DMD: variants seen among roughly 807,000 people sequenced by gnomAD.
DMD encodes mutant dystrophin.
Under a neutral mutation model 330.1 loss-of-function variants are expected in DMD, and 63 were observed. That is an observed-to-expected ratio of 0.19 (90% confidence interval 0.16 to 0.24). DMD has a LOEUF of 0.24. DMD is among the 10% of genes least tolerant of loss of function. The pLI, the probability that DMD is intolerant of heterozygous loss-of-function variation, is 1.00. For missense variants in DMD, 3,344 were observed against 2,684.1 expected (o/e 1.25, Z -5.43); for synonymous variants, 1,223 against 959.8 (o/e 1.27, Z -5.07).
Position 31,143,012 on chromosome X carries a change from C to A in DMD, c.10921+3279G>T, listed in dbSNP as rs1248019170. The stretch of plus-strand genomic sequence containing the variant: ...CATATTTAAAGAATGCAGCTCTATC[C>A]AGAATGTGGTTCAGCAGATCCCAGC... On this transcript the variant is annotated intron_variant, in intron 76 of 78. Transcript: ENST00000357033. Among the ~76,000 whole-genome samples the A allele has an allele frequency of 2.7e-5, 3 of 112,231 alleles. No individual in the cohort carries two copies. In the Admixed American group the frequency reaches 2.8e-4, roughly 11 times the overall value.
intron 52 of DMD, among the ~76,000 whole-genome samples, chrX:31,723,044 C>T (rs2085696870): frequency 2.0e-5 from 2 of 102,532 alleles, no homozygotes; most frequent in Non-Finnish European, 3.9e-5. Flanking sequence ...AGGACTCTGT[C>T]TCAAAAAAAA....
chrX:32,822,704 T>TACACAC, intron 5 of DMD, among the ~76,000 whole-genome samples: 1 of 108,519 alleles, frequency 9.2e-6, no homozygotes, highest in East Asian at 2.9e-4. Context: ...GCATATATAC[T>TACACAC]ACACACACAC....
chrX:31,783,242 G>C (rs191011934), intron 50 of DMD, among the ~76,000 whole-genome samples: 4 of 111,682 alleles, frequency 3.6e-5, no homozygotes, highest in Non-Finnish European at 7.5e-5. Context: ...ATTTGGGTTT[G>C]TTTATTCAAT....
At chrX:32,530,447 C>T (rs1359621153) in intron 17 of DMD, among the ~76,000 whole-genome samples, 1 of 112,056 alleles carries the variant, frequency 8.9e-6, no homozygotes, top group Non-Finnish European at 1.9e-5. Flanking sequence ...AATAATCTTC[C>T]TACCTTAATT....
At chrX:32,335,339 T>A (rs1481276095) in intron 41 of DMD, among the ~76,000 whole-genome samples, 1 of 107,240 alleles carries the variant, frequency 9.3e-6, no homozygotes, top group Non-Finnish European at 1.9e-5. Flanking sequence ...AAGCTTGGAT[T>A]ACAAGCAACT....
chrX:32,781,611 C>T (rs1249943275), intron 7 of DMD, among the ~76,000 whole-genome samples: 1 of 109,746 alleles, frequency 9.1e-6, no homozygotes, highest in Admixed American at 9.9e-5. Context: ...TCCCTCTTCC[C>T]TTGCTGCTGC....
At chrX:33,191,371 A>G (rs1463294371) in intron 1 of DMD, among the ~76,000 whole-genome samples, 2 of 109,108 alleles carry the variant, frequency 1.8e-5, no homozygotes, top group African/African-American at 6.6e-5. Context: ...AGATGCAAAA[A>G]TAAACACTTC....
intron 1 of DMD, among the ~76,000 whole-genome samples, chrX:33,254,231 G>T (rs746826080): frequency 1.0e-5 from 1 of 98,132 alleles, no homozygotes; most frequent in South Asian, 3.8e-4. Flanking sequence ...TTTGTCTGGA[G>T]CATACACTAT....
chrX:32,854,262 T>G (rs2081365075), intron 2 of DMD, among the ~76,000 whole-genome samples: 1 of 111,421 alleles, frequency 9.0e-6, no homozygotes, highest in African/African-American at 3.3e-5. Context: ...CATCACCACA[T>G]GGAGGATTCT....
intron 2 of DMD, among the ~76,000 whole-genome samples, chrX:32,983,358 C>G (rs948590392): frequency 4.5e-5 from 5 of 110,731 alleles, no homozygotes; most frequent in African/African-American, 1.3e-4. Flanking sequence ...TGATGATCTC[C>G]ACGTACATGT....
At chrX:33,026,344 A>AAAAG (rs1569550359) in intron 1 of DMD, among the ~76,000 whole-genome samples, 70 of 98,832 alleles carry the variant, frequency 7.1e-4, no homozygotes, top group African/African-American at 2.1e-3. Context: ...AAAAAAAAAA[A>AAAAG]AAAGAAAGAA....
intron 78 of DMD, among the ~76,000 whole-genome samples, chrX:31,124,954 C>G: frequency 9.0e-6 from 1 of 111,696 alleles, no homozygotes; most frequent in East Asian, 2.8e-4. Flanking sequence ...TGAAAAAAAT[C>G]TGCTTTACGT....
At chrX:31,515,905 T>C (rs1603297590) in intron 55 of DMD, among the ~76,000 whole-genome samples, 1 of 112,458 alleles carries the variant, frequency 8.9e-6, no homozygotes, top group Non-Finnish European at 1.9e-5. Flanking sequence ...CAAATGACTG[T>C]TATTTGATAC....
At chrX:32,469,204 G>A (rs911479608) in intron 22 of DMD, among the ~76,000 whole-genome samples, 10 of 109,867 alleles carry the variant, frequency 9.1e-5, no homozygotes, top group African/African-American at 2.6e-4. Flanking sequence ...TAGTATTATG[G>A]TGGGATTCAA....
At chrX:31,961,771 CTTTG>C (rs1324161309) in intron 45 of DMD, among the ~76,000 whole-genome samples, 41 of 38,832 alleles carry the variant, frequency 1.1e-3, no homozygotes, top group African/African-American at 1.7e-3. Context: ...GTTTTTTGTT[CTTTG>C]TTTTTTTTTT....
At chrX:32,045,823 C>T (rs112398527) in intron 44 of DMD, among the ~76,000 whole-genome samples, 11,616 of 112,002 alleles carry the variant, frequency 0.1, 492 homozygotes, top group Middle Eastern at 0.21. Context: ...TATATTTGAA[C>T]ATTTTAAATG....
intron 61 of DMD, among the ~76,000 whole-genome samples, chrX:31,325,945 T>C: frequency 1.1e-5 from 1 of 92,214 alleles, no homozygotes; most frequent in Non-Finnish European, 2.2e-5. Context: ...ATTATACCTT[T>C]CTAGTTTTTT....
Position 31,693,717 on chromosome X carries a change from C to T in DMD, c.7661-14131G>A, listed in dbSNP as rs138512779. 3.1e-3 allele frequency among the ~76,000 whole-genome samples: 339 copies of T among 111,022 alleles called. 1 individual carries two copies. The highest frequency in any genetic ancestry group is 0.01 in the African/African-American group (320 of 30,678). On this transcript the variant is annotated intron_variant, in intron 52 of 78. Coordinates refer to ENST00000357033, the MANE Select transcript of DMD (RefSeq NM_004006.3). The stretch of plus-strand genomic sequence containing the variant: ...GAAAAAATATTTGGAGTGAATTTAA[C>T]CAAGAAAGTGAAAGATCTGCGTGTT...
At chrX:32,547,597 C>A (rs934358499) in intron 16 of DMD, among the ~76,000 whole-genome samples, 1 of 110,972 alleles carries the variant, frequency 9.0e-6, no homozygotes, top group African/African-American at 3.3e-5. Flanking sequence ...CTCTCAAAAC[C>A]TACTTCATAC....
Sources: gnomAD v4.1 joint callset for allele counts (sites outside exome capture counted in the v4.1 genomes callset) on GRCh38, gnomAD v4.1.1 for gene constraint, MANE v1.5 for transcripts, NCBI Gene and HGNC (gene_info 2026-07-23, HGNC 2026-07-21) for gene names.